The following KCNK13 variants were observed in gnomAD, a reference collection of about 807,000 sequenced individuals.
KCNK13 encodes potassium channel subfamily K member 13.
A neutral mutation model predicts 23.4 loss-of-function variants in KCNK13; 12 were observed. The ratio of observed to expected loss-of-function variants is 0.51; its 90% CI spans 0.33 to 0.83. The LOEUF (loss-of-function observed/expected upper bound fraction) is 0.83. KCNK13 is among the 40% of genes least tolerant of loss of function. The pLI, the probability that KCNK13 is intolerant of heterozygous loss-of-function variation, is 0.02. For missense variants in KCNK13, 463 were observed against 556.3 expected, an observed-to-expected ratio of 0.83 and a Z score of 1.69; for synonymous variants, 231 against 229.5, an observed-to-expected ratio of 1.01 and a Z score of -0.06.
intron 1 of KCNK13, among the ~76,000 whole-genome samples, chr14:90,155,051 T>C (rs1890178629): frequency 6.6e-6 from 1 of 152,160 alleles, no homozygotes; most frequent in Non-Finnish European, 1.5e-5. Context: ...AATAAATAAA[T>C]ATATAAAATA....
intron 1 of KCNK13, among the ~76,000 whole-genome samples, chr14:90,088,569 T>A (rs897594270): frequency 6.6e-6 from 1 of 152,202 alleles, no homozygotes; most frequent in Non-Finnish European, 1.5e-5. Flanking sequence ...CTTTTTAACA[T>A]CAGATTTCCC....
intron 1 of KCNK13, among the ~76,000 whole-genome samples, chr14:90,128,711 A>G (rs1275292435): frequency 1.3e-5 from 2 of 152,144 alleles, no homozygotes; most frequent in Non-Finnish European, 2.9e-5. Flanking sequence ...CAAACATCCT[A>G]TCTCTCACCG....
intron 1 of KCNK13, among the ~76,000 whole-genome samples, chr14:90,168,369 C>CA (rs67436161): frequency 0.056 from 7,890 of 141,106 alleles, 274 homozygotes; most frequent in Middle Eastern, 0.12. Context: ...AGACCTGTCT[C>CA]AAAAAAAAAA....
chr14:90,108,671 T>C (rs1400703169), intron 1 of KCNK13, among the ~76,000 whole-genome samples: 1 of 152,218 alleles, frequency 6.6e-6, no homozygotes, highest in Admixed American at 6.5e-5. Flanking sequence ...GGTCTTGCTG[T>C]CATATGGATC....
chr14:90,071,680 T>C (rs535145827), intron 1 of KCNK13, among the ~76,000 whole-genome samples: 10 of 152,264 alleles, frequency 6.6e-5, no homozygotes, highest in African/African-American at 1.4e-4. Context: ...GGGCAGATCA[T>C]GAGGTCAGGA....
At chr14:90,127,325 G>A (rs1287388261) in intron 1 of KCNK13, among the ~76,000 whole-genome samples, 1 of 152,062 alleles carries the variant, frequency 6.6e-6, no homozygotes, top group Non-Finnish European at 1.5e-5. Flanking sequence ...CGTGAAAACA[G>A]CCTTTCTGTA....
chr14:90,126,150 T>C (rs1372049193), intron 1 of KCNK13, among the ~76,000 whole-genome samples: 1 of 152,064 alleles, frequency 6.6e-6, no homozygotes, highest in East Asian at 1.9e-4. Flanking sequence ...TTTAAGTAAA[T>C]GATTCAATAA....
At chr14:90,139,216 C>T (rs1889974295) in intron 1 of KCNK13, among the ~76,000 whole-genome samples, 1 of 152,308 alleles carries the variant, frequency 6.6e-6, no homozygotes, top group Non-Finnish European at 1.5e-5. Flanking sequence ...TGAAAGCAAA[C>T]AAACACAGAC....
intron 1 of KCNK13, among the ~76,000 whole-genome samples, chr14:90,135,265 A>G (rs577113781): frequency 2.8e-4 from 43 of 152,294 alleles, no homozygotes; most frequent in African/African-American, 9.4e-4. Flanking sequence ...ACTTTTTGGC[A>G]AAGGAAAGAG....
At chr14:90,090,051 G>C (rs780069032) in intron 1 of KCNK13, among the ~76,000 whole-genome samples, 1 of 152,242 alleles carries the variant, frequency 6.6e-6, no homozygotes, top group Non-Finnish European at 1.5e-5. Flanking sequence ...CCAACAAAGA[G>C]TCCCTACTGG....
intron 1 of KCNK13, among the ~76,000 whole-genome samples, chr14:90,174,287 G>T (rs1385987337): frequency 6.6e-6 from 1 of 152,114 alleles, no homozygotes; most frequent in African/African-American, 2.4e-5. Flanking sequence ...CCCAGCCTGG[G>T]CAACAAGAGC....
At chr14:90,069,665 G>A (rs926519855) in intron 1 of KCNK13, among the ~76,000 whole-genome samples, 2 of 146,398 alleles carry the variant, frequency 1.4e-5, no homozygotes, top group Non-Finnish European at 1.5e-5. Context: ...AGAAGATGAG[G>A]CATTCAGAAA....
chr14:90,163,713 G>T (rs945508292), intron 1 of KCNK13, among the ~76,000 whole-genome samples: 4 of 150,510 alleles, frequency 2.7e-5, no homozygotes, highest in Admixed American at 2.6e-4. Context: ...ATTTAGAGAC[G>T]GAGTCTTGCT....
At position 90,066,652 on chromosome 14, in the gene KCNK13, A is replaced by G. The variant is rs76348699; in HGVS notation, c.334+4113A>G. ...GGACAACAGATGATATTCACAAACA[A>G]TATTTTCCTGGAAAATGCTATTGAG... On this transcript the variant is annotated intron_variant, in intron 1 of 1. Transcript: ENST00000282146. Among the ~76,000 whole-genome samples, 218 of 152,306 alleles carry G rather than the reference A, an allele frequency of 1.4e-3. 1 individual carries two copies. The highest frequency in any genetic ancestry group is 4.7e-3 in the African/African-American group (195 of 41,556).
At chr14:90,183,877 C>T (rs1025652134) in intron 1 of KCNK13, among the ~76,000 whole-genome samples, 9 of 152,162 alleles carry the variant, frequency 5.9e-5, no homozygotes, top group Non-Finnish European at 1.2e-4. Flanking sequence ...GGATGAGGTG[C>T]TATTCTCCTG....
At chr14:90,091,282 G>A (rs1889341216) in intron 1 of KCNK13, among the ~76,000 whole-genome samples, 1 of 152,152 alleles carries the variant, frequency 6.6e-6, no homozygotes, top group Non-Finnish European at 1.5e-5. Flanking sequence ...TTCCCTCTGG[G>A]TGTCCCAATC....
intron 1 of KCNK13, among the ~76,000 whole-genome samples, chr14:90,094,548 AG>A (rs1566950378): frequency 6.6e-6 from 1 of 152,166 alleles, no homozygotes. Context: ...GAAGGAGACA[AG>A]ACTCAGTCCA....
intron 1 of KCNK13, among the ~76,000 whole-genome samples, chr14:90,169,641 C>T (rs6575109): frequency 0.064 from 9,812 of 152,152 alleles, 1,047 homozygotes; most frequent in African/African-American, 0.22. Context: ...TATCTGCAGA[C>T]GGGCTCTCAG....
intron 1 of KCNK13, among the ~76,000 whole-genome samples, chr14:90,081,548 C>T (rs1035805661): frequency 3.5e-4 from 53 of 152,198 alleles, no homozygotes; most frequent in Non-Finnish European, 6.8e-4. Context: ...TTTACACCTA[C>T]TGATGGTTCT....
Sources: allele counts gnomAD v4.1 joint callset (sites outside exome capture counted in the v4.1 genomes callset), GRCh38; gene constraint gnomAD v4.1.1; transcripts MANE v1.5; gene names NCBI Gene and HGNC (gene_info 2026-07-23, HGNC 2026-07-21).